Variants in RORA observed in about 807,000 individuals in gnomAD.
RORA encodes the protein nuclear receptor ROR-alpha.
Under a neutral mutation model 69.5 loss-of-function variants are expected in RORA, and 7 were observed. The observed-to-expected ratio is 0.10, with a 90% CI of 0.06 to 0.19. The LOEUF is 0.19. Among genes scored for constraint, RORA ranks in the 10% least tolerant of loss-of-function variants. The probability of loss-of-function intolerance (pLI) is 1.00; values close to 1 mark genes in which losing one functional copy is unlikely to be tolerated. For synonymous variants in RORA, 261 were observed against 240.8 expected (o/e 1.08, Z -0.78); for missense variants, 457 against 663.0 (o/e 0.69, Z 3.41).
intron 2 of RORA, among the ~76,000 whole-genome samples, chr15:60,543,852 T>C (rs1226033519): frequency 6.6e-6 from 1 of 152,180 alleles, no homozygotes; most frequent in Non-Finnish European, 1.5e-5. Flanking sequence ...TGTATTCCTT[T>C]TGTTGTGTAA....
At chr15:60,677,339 A>G (rs2070568651) in intron 2 of RORA, 2 of 408,124 alleles carry the variant, frequency 4.9e-6, no homozygotes, top group Middle Eastern at 7.1e-4. Context: ...AACAACGACA[A>G]AACAACCCCC....
intron 2 of RORA, among the ~76,000 whole-genome samples, chr15:60,545,780 G>T (rs926904111): frequency 6.6e-6 from 1 of 151,926 alleles, no homozygotes; most frequent in African/African-American, 2.4e-5. Context: ...GTCTTCTTTG[G>T]GCATAATTTT....
At chr15:61,011,856 C>T (rs1895097286) in intron 1 of RORA, among the ~76,000 whole-genome samples, 1 of 151,624 alleles carries the variant, frequency 6.6e-6, no homozygotes, top group African/African-American at 2.4e-5. Flanking sequence ...TGCCACCAAG[C>T]CTCAAGCTTC....
intron 1 of RORA, among the ~76,000 whole-genome samples, chr15:61,079,814 G>A (rs1317456604): frequency 6.6e-6 from 1 of 152,214 alleles, no homozygotes; most frequent in Non-Finnish European, 1.5e-5. Flanking sequence ...GCACTCTTGG[G>A]TGGTGGTGGT....
intron 1 of RORA, among the ~76,000 whole-genome samples, chr15:60,872,827 C>T (rs886076451): frequency 6.6e-6 from 1 of 152,120 alleles, no homozygotes; most frequent in Admixed American, 6.5e-5. Context: ...CCTGCCCTCT[C>T]CTCCTTACCT....
intron 1 of RORA, among the ~76,000 whole-genome samples, chr15:60,886,931 A>C (rs917468275): frequency 2.0e-5 from 3 of 152,204 alleles, no homozygotes; most frequent in African/African-American, 7.2e-5. Flanking sequence ...GGACACTCAC[A>C]GTTGCCACAT....
At chr15:61,194,084 A>G (rs934744423) in intron 1 of RORA, 10 of 152,192 alleles carry the variant, frequency 6.6e-5, no homozygotes, top group African/African-American at 2.4e-4. Context: ...ACGAAGTCCA[A>G]CGTGAATCAA....
intron 6 of RORA, among the ~76,000 whole-genome samples, chr15:60,503,896 G>A (rs2065410192): frequency 6.6e-6 from 1 of 152,120 alleles, no homozygotes; most frequent in African/African-American, 2.4e-5. Context: ...TCTGCCTCCT[G>A]GGTTCAAGTG....
chr15:60,514,692 C>G lies in RORA; in HGVS notation c.348G>C (p.Leu116Phe). The G allele has an allele frequency of 6.2e-7, 1 of 1,614,056 alleles. No homozygotes were observed. The highest frequency in any genetic ancestry group is 2.2e-5 in the East Asian group (1 of 44,878). Residue 116 changes from leucine (L) to phenylalanine (F), a missense_variant, in exon 4 of 11, where the codon TTG becomes TTC. Leu to Phe is a conservative substitution (Grantham distance 22, BLOSUM62 0). This residue lies in a region of RORA where 34 missense variants were observed against 123.2 expected (regional missense o/e 0.28). Coordinates refer to ENST00000335670, the MANE Select transcript of RORA (RefSeq NM_134261.3). The stretch of plus-strand genomic sequence containing the variant: ...AGCGGTTTCTACTGGTTCGATCAAT[C>G]AAACAGTTCTTCTGACGAGGACAGG... ...TYSCPRQKNCLIDRTSRNRCQ... is the reference protein window; with the variant it reads ...TYSCPRQKNCFIDRTSRNRCQ...
intron 1 of RORA, among the ~76,000 whole-genome samples, chr15:61,193,759 AC>A (rs1254987948): frequency 6.6e-6 from 1 of 152,204 alleles, no homozygotes; most frequent in East Asian, 1.9e-4. Flanking sequence ...GGAAATTGAG[AC>A]CCAGAGAGGC....
intron 1 of RORA, among the ~76,000 whole-genome samples, chr15:60,940,935 A>T (rs1328200952): frequency 6.6e-6 from 1 of 152,224 alleles, no homozygotes; most frequent in Admixed American, 6.5e-5. Flanking sequence ...CTAAATAAAT[A>T]AATAAATAAT....
chr15:61,049,308 TC>T (rs894631598), intron 1 of RORA, among the ~76,000 whole-genome samples: 69 of 152,134 alleles, frequency 4.5e-4, no homozygotes, highest in African/African-American at 1.6e-3. Flanking sequence ...CATGGTGATA[TC>T]CCCCCGTCTA....
rs79315480 is a variant in RORA, at chr15:61,140,125, T to G, written c.166+88928A>C. Among the ~76,000 whole-genome samples, 187 of 152,324 alleles carry G rather than the reference T, an allele frequency of 1.2e-3. 5 individuals are homozygous for G. In the East Asian group the frequency reaches 0.032, roughly 26 times the overall value. On this transcript the variant is annotated intron_variant, in intron 1 of 10. Transcript: ENST00000335670. ...ATTTTTCGAGAGAGAAAAATTTCTC[T>G]TCAACATGTCAATGGTCTCATTTTA...
At chr15:61,140,679 G>GA (rs577239288) in intron 1 of RORA, among the ~76,000 whole-genome samples, 22 of 151,048 alleles carry the variant, frequency 1.5e-4, no homozygotes, top group Non-Finnish European at 1.8e-4. Context: ...ATGGATGGGA[G>GA]AAAAAAAAAC....
intron 1 of RORA, among the ~76,000 whole-genome samples, chr15:60,777,230 A>G (rs919918454): frequency 6.6e-6 from 1 of 152,228 alleles, no homozygotes. Context: ...CCAATTAGTT[A>G]AGTGAAAAGC....
chr15:60,841,532 C>T (rs1169687562), intron 1 of RORA, among the ~76,000 whole-genome samples: 1 of 152,206 alleles, frequency 6.6e-6, no homozygotes, highest in Non-Finnish European at 1.5e-5. Context: ...AGGCCCCTGC[C>T]ATTGCTTCTG....
chr15:61,019,610 G>A (rs1008440281), intron 1 of RORA, among the ~76,000 whole-genome samples: 2 of 152,034 alleles, frequency 1.3e-5, no homozygotes, highest in African/African-American at 4.8e-5. Flanking sequence ...TTAGTGAAGG[G>A]GGGGAAACCT....
intron 1 of RORA, among the ~76,000 whole-genome samples, chr15:60,858,706 C>CACACACACACACACAA (rs1878870989): frequency 1.3e-5 from 2 of 151,722 alleles, no homozygotes; most frequent in African/African-American, 4.8e-5. Context: ...CACACACACA[C>CACACACACACACACAA]ACACACACAC....
chr15:61,086,963 A>G (rs2078634736), intron 1 of RORA, among the ~76,000 whole-genome samples: 1 of 152,188 alleles, frequency 6.6e-6, no homozygotes, highest in South Asian at 2.1e-4. Flanking sequence ...GCTTGAGTCC[A>G]GGAGTTTGAG....
Sources: allele counts gnomAD v4.1 joint callset (sites outside exome capture counted in the v4.1 genomes callset), GRCh38; gene constraint gnomAD v4.1.1; regional missense constraint gnomAD v4.1.1; transcripts MANE v1.5; gene names NCBI Gene and HGNC (gene_info 2026-07-23, HGNC 2026-07-21).